The following MGAT4C variants were observed in gnomAD, a reference collection of about 807,000 sequenced individuals.
MGAT4C encodes the protein MGAT4 family member C, also known as alpha-1,3-mannosyl-glycoprotein 4-beta-N-acetylglucosaminyltransferase C.
MGAT4C carries 19 observed loss-of-function variants against 40.1 expected under a neutral mutation model. The observed-to-expected ratio is 0.47, with a 90% CI of 0.33 to 0.70. The LOEUF is 0.70. MGAT4C is among the 30% of genes least tolerant of loss of function. The pLI is 0.02. For synonymous variants in MGAT4C, 181 were observed against 187.1 expected (o/e 0.97, Z 0.27); for missense variants, 491 against 563.2 (o/e 0.87, Z 1.30).
At chr12:86,624,786 TG>T (rs1345794726) in intron 2 of MGAT4C, among the ~76,000 whole-genome samples, 1 of 152,054 alleles carries the variant, frequency 6.6e-6, no homozygotes, top group Admixed American at 6.6e-5. Flanking sequence ...GGTCTATGTA[TG>T]GGGAAAAAAG....
intron 3 of MGAT4C, among the ~76,000 whole-genome samples, chr12:86,383,197 C>G (rs1052316851): frequency 3.3e-5 from 5 of 152,148 alleles, no homozygotes; most frequent in Non-Finnish European, 5.9e-5. Flanking sequence ...CCATCCCCTG[C>G]ATCAGCGTGA....
intron 1 of MGAT4C, among the ~76,000 whole-genome samples, chr12:86,761,342 T>C (rs1208478738): frequency 2.0e-5 from 3 of 152,190 alleles, no homozygotes; most frequent in African/African-American, 7.2e-5. Flanking sequence ...TGAGGCTAAA[T>C]ATTATTATGG....
chr12:86,818,242 AATC>A (rs1280084880), intron 1 of MGAT4C, among the ~76,000 whole-genome samples: 1 of 151,312 alleles, frequency 6.6e-6, no homozygotes, highest in Non-Finnish European at 1.5e-5. Context: ...ACAGAATATT[AATC>A]ATCAAGAACA....
chr12:86,603,529 A>C (rs1424302773), intron 2 of MGAT4C, among the ~76,000 whole-genome samples: 1 of 20,632 alleles, frequency 4.8e-5, no homozygotes, highest in Non-Finnish European at 1.5e-4. Context: ...TATAGACTAT[A>C]TATAGTCTAT....
intron 2 of MGAT4C, among the ~76,000 whole-genome samples, chr12:86,711,689 GTTA>G (rs1312486485): frequency 1.3e-5 from 2 of 152,050 alleles, no homozygotes; most frequent in East Asian, 1.9e-4. Context: ...CACAAATTTA[GTTA>G]TTAAGCTGAT....
chr12:86,336,105 A>C (rs1282220797), intron 3 of MGAT4C, among the ~76,000 whole-genome samples: 1 of 152,128 alleles, frequency 6.6e-6, no homozygotes, highest in East Asian at 1.9e-4. Context: ...ATACCATGTA[A>C]GTGTTATGTA....
intron 1 of MGAT4C, among the ~76,000 whole-genome samples, chr12:86,208,188 G>A (rs140005709): frequency 2.7e-3 from 418 of 152,298 alleles, no homozygotes; most frequent in African/African-American, 9.7e-3. Context: ...AATTCAAGCT[G>A]GGCGCAGTGG....
chr12:86,580,860 G>C (rs1056173903), intron 2 of MGAT4C, among the ~76,000 whole-genome samples: 2 of 151,402 alleles, frequency 1.3e-5, no homozygotes, highest in Admixed American at 6.6e-5. Flanking sequence ...GAGCAAAAAA[G>C]GGTAATATTT....
intron 3 of MGAT4C, among the ~76,000 whole-genome samples, chr12:86,380,391 T>C (rs1033864779): frequency 1.3e-5 from 2 of 152,150 alleles, no homozygotes; most frequent in African/African-American, 4.8e-5. Flanking sequence ...AATTTGCCAC[T>C]TCGTGGTGTT....
chr12:86,054,316 A>G (rs924118093), intron 1 of MGAT4C, among the ~76,000 whole-genome samples: 3 of 152,032 alleles, frequency 2.0e-5, no homozygotes, highest in Admixed American at 6.6e-5. Context: ...TAAACCAAGC[A>G]CAAAGAGACA....
At chr12:86,456,099 G>T (rs571227147) in intron 2 of MGAT4C, among the ~76,000 whole-genome samples, 7 of 152,062 alleles carry the variant, frequency 4.6e-5, no homozygotes, top group South Asian at 4.2e-4. Context: ...TCTCATTAAG[G>T]TAATTACAAA....
intron 2 of MGAT4C, among the ~76,000 whole-genome samples, chr12:85,993,860 G>T (rs1886279236): frequency 6.6e-6 from 1 of 152,160 alleles, no homozygotes; most frequent in South Asian, 2.1e-4. Context: ...TGGTAGGAGG[G>T]ACTGTCTAGA....
In MGAT4C at chr12:86,640,565, G is replaced by A. The variant is rs370962119; in HGVS notation, c.-229+86644C>T. 4.6e-5 allele frequency among the ~76,000 whole-genome samples: 7 copies of A among 151,842 alleles called. No individual in the cohort carries two copies. The East Asian group carries it at 5.8e-4, about 13-fold the overall frequency. On this transcript the variant is annotated intron_variant, in intron 2 of 7. Transcript: ENST00000548651. ...TTTCAAAAAACCAGCTCCTGGATTCGTTAATTTTTTGAAGGGTTTTTTGAG... is the reference window on the plus strand; with the variant it reads ...TTTCAAAAAACCAGCTCCTGGATTCATTAATTTTTTGAAGGGTTTTTTGAG...
intron 2 of MGAT4C, among the ~76,000 whole-genome samples, chr12:86,486,553 C>T (rs1224680655): frequency 3.3e-5 from 5 of 152,074 alleles, no homozygotes; most frequent in Non-Finnish European, 7.4e-5. Flanking sequence ...ATGCACCCAG[C>T]ATTGGTGTAC....
At chr12:86,228,819 C>G (rs1453789938) in intron 1 of MGAT4C, among the ~76,000 whole-genome samples, 2 of 151,826 alleles carry the variant, frequency 1.3e-5, no homozygotes, top group Non-Finnish European at 3.0e-5. Context: ...AGAATTAATT[C>G]TTGTTAAGAT....
intron 2 of MGAT4C, among the ~76,000 whole-genome samples, chr12:86,630,059 G>A (rs1156308224): frequency 1.3e-5 from 2 of 152,086 alleles, no homozygotes; most frequent in Non-Finnish European, 2.9e-5. Flanking sequence ...AATAAAAAAT[G>A]ATAAAAGGGA....
chr12:86,700,507 T>C (rs186222252), intron 2 of MGAT4C, among the ~76,000 whole-genome samples: 154 of 152,190 alleles, frequency 1.0e-3, no homozygotes, highest in Non-Finnish European at 1.8e-3. Flanking sequence ...ACCTAATAAC[T>C]CTCAAAGGAA....
At chr12:86,085,652 G>T (rs1256131501) in intron 1 of MGAT4C, among the ~76,000 whole-genome samples, 2 of 151,756 alleles carry the variant, frequency 1.3e-5, no homozygotes, top group Non-Finnish European at 2.9e-5. Flanking sequence ...TCACAAAGAG[G>T]TAATATCCAG....
intron 1 of MGAT4C, among the ~76,000 whole-genome samples, chr12:86,780,189 A>G (rs2136181368): frequency 6.6e-6 from 1 of 152,306 alleles, no homozygotes; most frequent in African/African-American, 2.4e-5. Context: ...CATTAATTAT[A>G]TAATTTAAAT....
Sources: gnomAD v4.1 joint callset for allele counts (sites outside exome capture counted in the v4.1 genomes callset) on GRCh38, gnomAD v4.1.1 for gene constraint, MANE v1.5 for transcripts, NCBI Gene and HGNC (gene_info 2026-07-23, HGNC 2026-07-21) for gene names.